SHISA9: variants seen among roughly 807,000 people sequenced by gnomAD.
SHISA9 encodes shisa family member 9, also known as protein shisa-9.
SHISA9 carries 13 observed loss-of-function variants against 38.0 expected under a neutral mutation model. The ratio of observed to expected loss-of-function variants is 0.34; its 90% confidence interval spans 0.22 to 0.54. The LOEUF (loss-of-function observed/expected upper bound fraction) is 0.54. SHISA9 is among the 20% of genes least tolerant of loss of function. SHISA9 has a pLI of 0.91. For synonymous variants in SHISA9, 275 were observed against 242.0 expected, an observed-to-expected ratio of 1.14 and a Z score of -1.27; for missense variants, 538 against 575.8, an observed-to-expected ratio of 0.93 and a Z score of 0.67.
At chr16:13,264,794 A>G in the SHISA9 span, among the ~76,000 whole-genome samples, 1 of 152,136 alleles carries the variant, frequency 6.6e-6, no homozygotes, top group East Asian at 1.9e-4. Context: ...TCACCCCAAT[A>G]TAAGAGAATT....
At chr16:13,000,345 G>A (rs1406181650) in intron 2 of SHISA9, among the ~76,000 whole-genome samples, 1 of 152,166 alleles carries the variant, frequency 6.6e-6, no homozygotes, top group Non-Finnish European at 1.5e-5. Flanking sequence ...AAATAGGAAA[G>A]CAAGAGTAGG....
intron 2 of SHISA9, among the ~76,000 whole-genome samples, chr16:13,008,162 G>T (rs192807802): frequency 2.9e-4 from 44 of 152,284 alleles, no homozygotes; most frequent in African/African-American, 9.9e-4. Flanking sequence ...AATAGACATT[G>T]GTGGATTGAT....
At chr16:13,558,822 A>G in the SHISA9 span, among the ~76,000 whole-genome samples, 1 of 152,248 alleles carries the variant, frequency 6.6e-6, no homozygotes, top group African/African-American at 2.4e-5. Flanking sequence ...ACAAGATGGC[A>G]GAGTGTTGCC....
chr16:13,551,925 G>A, the SHISA9 span, among the ~76,000 whole-genome samples: 12 of 152,126 alleles, frequency 7.9e-5, no homozygotes, highest in East Asian at 3.9e-4. Flanking sequence ...TACTGGGGAC[G>A]CTGAGGCAGG....
chr16:13,392,316 C>G, the SHISA9 span, among the ~76,000 whole-genome samples: 15 of 152,182 alleles, frequency 9.9e-5, no homozygotes, highest in African/African-American at 3.4e-4. Context: ...CTTTTTAGTT[C>G]TAGATAACAA....
chr16:13,348,699 A>C, the SHISA9 span, among the ~76,000 whole-genome samples: 1 of 151,930 alleles, frequency 6.6e-6, no homozygotes, highest in Admixed American at 6.5e-5. Context: ...AATCATTGTG[A>C]TCAGCTCTAG....
At chr16:12,960,934 C>T (rs1287390617) in intron 2 of SHISA9, among the ~76,000 whole-genome samples, 1 of 152,028 alleles carries the variant, frequency 6.6e-6, no homozygotes, top group African/African-American at 2.4e-5. Context: ...TTCCTGCTCT[C>T]ACAAGGCTTT....
At chr16:13,300,383 A>G in the SHISA9 span, among the ~76,000 whole-genome samples, 1 of 151,976 alleles carries the variant, frequency 6.6e-6, no homozygotes, top group Admixed American at 6.6e-5. Flanking sequence ...CTAGCCCCAA[A>G]CTAGCTCATC....
the SHISA9 span, among the ~76,000 whole-genome samples, chr16:13,466,434 T>G: frequency 3.9e-5 from 6 of 152,104 alleles, no homozygotes; most frequent in Non-Finnish European, 5.9e-5. Context: ...CTACAACATC[T>G]CAATCCAGGT....
At chr16:13,447,312 G>C in the SHISA9 span, among the ~76,000 whole-genome samples, 1 of 152,220 alleles carries the variant, frequency 6.6e-6, no homozygotes, top group Non-Finnish European at 1.5e-5. Context: ...AGTCTAGAAA[G>C]TGGTGGTTTG....
chr16:13,420,292 C>T, the SHISA9 span, among the ~76,000 whole-genome samples: 1 of 134,028 alleles, frequency 7.5e-6, no homozygotes, highest in Non-Finnish European at 1.6e-5. Context: ...GCTCAGCAGG[C>T]GTTTACTGTA....
chr16:13,372,570 G>A, the SHISA9 span, among the ~76,000 whole-genome samples: 1 of 152,218 alleles, frequency 6.6e-6, no homozygotes, highest in South Asian at 2.1e-4. Context: ...GCATTGCTGA[G>A]ATTTGAGACA....
At chr16:13,081,841 G>T (rs1481193951) in intron 2 of SHISA9, among the ~76,000 whole-genome samples, 1 of 143,782 alleles carries the variant, frequency 7.0e-6, no homozygotes, top group Admixed American at 7.0e-5. Flanking sequence ...GATAGAGCGA[G>T]ACTCCATCTC....
At chr16:13,437,394 C>T in the SHISA9 span, among the ~76,000 whole-genome samples, 1 of 152,138 alleles carries the variant, frequency 6.6e-6, no homozygotes, top group African/African-American at 2.4e-5. Flanking sequence ...AATCTAAGCA[C>T]TTTAAACATA....
the SHISA9 span, among the ~76,000 whole-genome samples, chr16:13,365,169 A>C: frequency 1.3e-5 from 2 of 152,226 alleles, no homozygotes; most frequent in African/African-American, 4.8e-5. Flanking sequence ...AGGCCCTAGC[A>C]TCACCTCATG....
chr16:13,112,443 TGGTTTTATGGAGCTTTACCAA>T (rs138595507), intron 2 of SHISA9, among the ~76,000 whole-genome samples: 11,566 of 152,118 alleles, frequency 0.076, 613 homozygotes, highest in Admixed American at 0.15. Flanking sequence ...TGGAGTATAT[TGGTTTTATGGAGCTTTACCAA>T]GGTTTTATGC....
At chr16:13,562,926 A>T in the SHISA9 span, 1 of 152,216 alleles carries the variant, frequency 6.6e-6, no homozygotes, top group Non-Finnish European at 1.5e-5. Flanking sequence ...AAAAGCTGTA[A>T]ACCAATGTTT....
chr16:13,266,836 A>G, the SHISA9 span, among the ~76,000 whole-genome samples: 1 of 152,288 alleles, frequency 6.6e-6, no homozygotes, highest in South Asian at 2.1e-4. Context: ...TATGATGACA[A>G]CAAGCGGTGG....
chr16:13,117,317 T>G (rs1344139480), intron 2 of SHISA9, among the ~76,000 whole-genome samples: 1 of 151,742 alleles, frequency 6.6e-6, no homozygotes, highest in Admixed American at 6.6e-5. Flanking sequence ...AGTTTCTGCA[T>G]CTGTAAAGTG....
Sources: allele counts gnomAD v4.1 joint callset (sites outside exome capture counted in the v4.1 genomes callset), GRCh38; gene constraint gnomAD v4.1.1; transcripts MANE v1.5; gene names NCBI Gene and HGNC (gene_info 2026-07-23, HGNC 2026-07-21).